Variants in CDC73 observed in about 807,000 individuals in gnomAD.
CDC73 encodes the protein cell division cycle 73.
A neutral mutation model predicts 83.7 loss-of-function variants in CDC73; 21 were observed. The ratio of observed to expected loss-of-function variants is 0.25; its 90% CI spans 0.18 to 0.36. CDC73 has a LOEUF of 0.36. Ranked by LOEUF, CDC73 falls within the 10% of genes least tolerant of loss-of-function variation. The pLI is 1.00. For missense variants in CDC73, 342 were observed against 653.3 expected, an observed-to-expected ratio of 0.52 and a Z score of 5.19; for synonymous variants, 224 against 212.9, an observed-to-expected ratio of 1.05 and a Z score of -0.45.
intron 8 of CDC73, 44 bp downstream of exon 8, chr1:193,148,009 C>T (rs745533479): frequency 4.0e-6 from 5 of 1,247,678 alleles, no homozygotes; most frequent in Non-Finnish European, 5.9e-6. Context: ...ATGAAGTTGC[C>T]ACTTATATTG....
At position 193,152,430 on chromosome 1, in the gene CDC73, C is replaced by T. The variant is rs747512262; in HGVS notation, c.958C>T (p.Leu320=). 3 of 1,608,922 alleles carry T rather than the reference C, an allele frequency of 1.9e-6. No individual in the cohort carries two copies. Among genetic ancestry groups the T allele is most frequent in the South Asian group, 1.1e-5 (1 of 90,974 alleles). The change falls in exon 10 of 17, where the codon CTG becomes TTG. Residue 320 remains leucine, a synonymous_variant. Transcript: ENST00000367435. ...TATGGGAACCTACCATGGTATGACA[C>T]TGAAATCTGTAACGGTAAGTTAATT... ...DTMGTYHGMT[L]KSVTEGASAR... is the part of the protein sequence containing the mutation.
intron 10 of CDC73, among the ~76,000 whole-genome samples, chr1:193,185,000 TGTTCTATG>T (rs1676781275): frequency 1.3e-5 from 2 of 152,088 alleles, no homozygotes; most frequent in Admixed American, 1.3e-4. Flanking sequence ...CCTGAGTTGC[TGTTCTATG>T]ATTGTTGCTA....
chr1:193,130,607 A>C (rs903669091), intron 3 of CDC73, among the ~76,000 whole-genome samples: 2 of 152,182 alleles, frequency 1.3e-5, no homozygotes, highest in Non-Finnish European at 2.9e-5. Flanking sequence ...CCTACTGTCT[A>C]CTGCTTCATT....
At position 193,159,745 on chromosome 1, in the gene CDC73, T is replaced by C. The variant is rs12044222; in HGVS notation, c.972+7301T>C. 7.2e-4 allele frequency among the ~76,000 whole-genome samples: 109 copies of C among 152,384 alleles called. No individual in the cohort carries two copies. The East Asian group carries it at 0.014, about 20-fold the overall frequency. On this transcript the variant is annotated intron_variant, in intron 10 of 16. Coordinates refer to ENST00000367435, the MANE Select transcript of CDC73 (RefSeq NM_024529.5). Reference sequence around the variant, plus strand: ...TTTATATTAAACATATATAATATTTTGTAAACGTTTTATACTGAATAATAC... The same window carrying C: ...TTTATATTAAACATATATAATATTTCGTAAACGTTTTATACTGAATAATAC...
At chr1:193,173,364 C>CCA (rs1385348414) in intron 10 of CDC73, among the ~76,000 whole-genome samples, 1 of 152,120 alleles carries the variant, frequency 6.6e-6, no homozygotes, top group Non-Finnish European at 1.5e-5. Context: ...CTTATCTGTT[C>CCA]CACCTCTTCC....
At chr1:193,217,244 C>T (rs1677383881) in intron 13 of CDC73, among the ~76,000 whole-genome samples, 1 of 152,070 alleles carries the variant, frequency 6.6e-6, no homozygotes, top group African/African-American at 2.4e-5. Context: ...GCTGAAGCCC[C>T]AGTGGACGTG....
intron 10 of CDC73, among the ~76,000 whole-genome samples, chr1:193,153,630 TG>T (rs925292373): frequency 1.4e-4 from 21 of 152,238 alleles, no homozygotes; most frequent in African/African-American, 4.6e-4. Flanking sequence ...ATTTTAAGTT[TG>T]TTTTTTTCTG....
At chr1:193,173,762 T>C (rs893219026) in intron 10 of CDC73, among the ~76,000 whole-genome samples, 3 of 152,132 alleles carry the variant, frequency 2.0e-5, no homozygotes, top group African/African-American at 7.2e-5. Context: ...TAAAACCAAT[T>C]GTATTTAAAG....
At position 193,233,151 on chromosome 1, in the gene CDC73, A is replaced by T; in HGVS notation, c.1313A>T (p.Asp438Val). 6.2e-7 allele frequency: 1 copy of T among 1,610,006 alleles called. No individual in the cohort carries two copies. The highest frequency in any genetic ancestry group is 8.5e-7 in the Non-Finnish European group (1 of 1,176,520). Residue 438 changes from aspartate to valine, a missense_variant, in exon 14 of 17, where the codon GAC becomes GTC. Asp to Val is a radical substitution (Grantham distance 152). Around this residue, in one of 3 missense-constraint regions of CDC73, gnomAD observed 239 missense variants for 420.6 expected, o/e 0.57. Coordinates refer to ENST00000367435, the MANE Select transcript of CDC73 (RefSeq NM_024529.5). Reference sequence around the variant, plus strand: ...CAGCCCCTTAAACTTATGCCTCAAGACTGGTAAGATAGTCTCTATATATAT... The same window carrying T: ...CAGCCCCTTAAACTTATGCCTCAAGTCTGGTAAGATAGTCTCTATATATAT... ...VDQPLKLMPQ[D>V]WDRVVAVFVQ...
chr1:193,222,652 C>G (rs1194091503), intron 13 of CDC73, among the ~76,000 whole-genome samples: 1 of 150,378 alleles, frequency 6.6e-6, no homozygotes, highest in Non-Finnish European at 1.5e-5. Context: ...ATGCGGATTT[C>G]TTTTTTATAT....
chr1:193,128,831 T>A (rs1396906397), intron 2 of CDC73, among the ~76,000 whole-genome samples: 2 of 152,192 alleles, frequency 1.3e-5, no homozygotes, highest in Admixed American at 1.3e-4. Flanking sequence ...CTAAAGGTTC[T>A]TGTTGTTACT....
rs1677818058 is a variant in CDC73, at chr1:193,239,299, C to T, written c.1417+2943C>T. Among the ~76,000 whole-genome samples, 9 of 152,260 alleles carry T rather than the reference C, an allele frequency of 5.9e-5. No homozygotes were observed. The South Asian group carries it at 1.9e-3, about 32-fold the overall frequency. On this transcript the variant is annotated intron_variant, in intron 15 of 16. Coordinates refer to ENST00000367435, the MANE Select transcript of CDC73 (RefSeq NM_024529.5). Reference sequence around the variant, plus strand: ...TATATTATCTTAGCTCTTGGTTGATCTTTCTGCTTTCACTCTTCTGGCTTC... The same window carrying T: ...TATATTATCTTAGCTCTTGGTTGATTTTTCTGCTTTCACTCTTCTGGCTTC...
At chr1:193,222,911 C>T (rs1159109217) in intron 13 of CDC73, among the ~76,000 whole-genome samples, 2 of 151,920 alleles carry the variant, frequency 1.3e-5, no homozygotes, top group Non-Finnish European at 2.9e-5. Context: ...CTGTTGCCTG[C>T]ATTTTTCATT....
At position 193,216,002 on chromosome 1, in the gene CDC73, G is replaced by T. The variant is rs956739261; in HGVS notation, c.1154+3525G>T. On this transcript the variant is annotated intron_variant, in intron 13 of 16. Transcript: ENST00000367435. ...TCATAGTGCTAAATGCCTATATCACGAAGTTAGATCTCAAATTAACCACCT... is the reference window on the plus strand; with the variant it reads ...TCATAGTGCTAAATGCCTATATCACTAAGTTAGATCTCAAATTAACCACCT... Among the ~76,000 whole-genome samples, 6 of 152,148 alleles carry T rather than the reference G, an allele frequency of 3.9e-5. No homozygotes were observed. In the South Asian group the frequency reaches 1.2e-3, roughly 32 times the overall value.
At chr1:193,208,118 T>C (rs994761239) in intron 11 of CDC73, among the ~76,000 whole-genome samples, 3 of 152,246 alleles carry the variant, frequency 2.0e-5, no homozygotes, top group African/African-American at 7.2e-5. Flanking sequence ...CAACTTTGTT[T>C]CTTAAATCAA....
At chr1:193,203,770 T>C (rs1244960925) in intron 10 of CDC73, 25 bp from the exon 11 acceptor site, 4 of 1,570,768 alleles carry the variant, frequency 2.5e-6, no homozygotes, top group Non-Finnish European at 3.5e-6. Context: ...TTTGATCTTA[T>C]ATATCAATTC....
intron 10 of CDC73, among the ~76,000 whole-genome samples, chr1:193,189,203 C>T (rs528090454): frequency 4.6e-5 from 7 of 152,288 alleles, no homozygotes; most frequent in Non-Finnish European, 7.4e-5. Context: ...ATCCACCTGC[C>T]TTGGCCTCCC....
intron 7 of CDC73, 55 bp from the exon 8 acceptor site, chr1:193,147,812 A>G (rs1676027921): frequency 4.2e-6 from 4 of 950,426 alleles, no homozygotes; most frequent in South Asian, 2.8e-5. Context: ...ATTATCAACT[A>G]AATTTACTAT....
At chr1:193,181,602 C>T in intron 10 of CDC73, 1 of 1,507,404 alleles carries the variant, frequency 6.6e-7, no homozygotes, top group Non-Finnish European at 8.9e-7. Context: ...AGATTGGTGA[C>T]CAAAAATGTT....
Sources: gnomAD v4.1 joint callset for allele counts (sites outside exome capture counted in the v4.1 genomes callset) on GRCh38, gnomAD v4.1.1 for gene constraint, gnomAD v4.1.1 regional missense constraint, MANE v1.5 for transcripts, NCBI Gene and HGNC (gene_info 2026-07-23, HGNC 2026-07-21) for gene names.